The following RBM20 variants were observed in gnomAD, a reference collection of about 807,000 sequenced individuals.
RBM20 encodes RNA binding motif protein 20.
Under a neutral mutation model 110.1 loss-of-function variants are expected in RBM20, and 51 were observed. That is an observed-to-expected ratio of 0.46 (90% confidence interval 0.37 to 0.59). The LOEUF is 0.59. Ranked by LOEUF, RBM20 falls within the 20% of genes least tolerant of loss-of-function variation. The pLI is 0.00. For missense variants in RBM20, 1,512 were observed against 1,574.9 expected, an observed-to-expected ratio of 0.96 and a Z score of 0.68; for synonymous variants, 589 against 618.2, an observed-to-expected ratio of 0.95 and a Z score of 0.70.
intron 1 of RBM20, among the ~76,000 whole-genome samples, chr10:110,734,967 A>G (rs1399653360): frequency 6.6e-6 from 1 of 152,190 alleles, no homozygotes; most frequent in Non-Finnish European, 1.5e-5. Context: ...TGTTCTTCCC[A>G]TGACGTTAAT....
intron 1 of RBM20, among the ~76,000 whole-genome samples, chr10:110,768,001 G>A (rs1169981298): frequency 6.6e-6 from 1 of 152,260 alleles, no homozygotes; most frequent in Non-Finnish European, 1.5e-5. Context: ...GCCGAGGCTG[G>A]CGGATCACTC....
chr10:110,644,041 C>A (rs1281623009), upstream of RBM20, among the ~76,000 whole-genome samples: 1 of 152,192 alleles, frequency 6.6e-6, no homozygotes, highest in African/African-American at 2.4e-5. This position sits in a 1 kb window ranked among gnomAD's most constrained non-coding sequence, Gnocchi z 4.3. Flanking sequence ...CTGCGTGTGT[C>A]GCCTTCCTCA....
chr10:110,734,210 C>T (rs527841095), intron 1 of RBM20, among the ~76,000 whole-genome samples: 1 of 152,156 alleles, frequency 6.6e-6, no homozygotes, highest in African/African-American at 2.4e-5. Context: ...ATAAGAGGGT[C>T]TCATTTGTGT....
In RBM20 at chr10:110,780,924, G is replaced by A; in HGVS notation, c.315G>A (p.Leu105=). Residue 105 remains leucine, a synonymous_variant, in exon 2 of 14, where the codon CTG becomes CTA. Transcript: ENST00000369519. The part of the protein sequence containing the change: ...QAQLTLHRLK[L]AQTAVTNNTA... ...AGCTCACCCTCCACCGGCTGAAGCT[G>A]GCACAGACAGCTGTCACCAACAACA... is the stretch of plus-strand genomic sequence containing the variant. 6.4e-7 allele frequency: 1 copy of A among 1,551,622 alleles called. No individual in the cohort carries two copies. The highest frequency in any genetic ancestry group is 2.4e-5 in the East Asian group (1 of 40,910).
chr10:110,830,340 G>A (rs1252447055), intron 12 of RBM20, among the ~76,000 whole-genome samples: 1 of 152,196 alleles, frequency 6.6e-6, no homozygotes, highest in African/African-American at 2.4e-5. Context: ...GGAATCAAAA[G>A]GCCTCCCAGA....
At chr10:110,814,256 C>T (rs1032201834) in intron 9 of RBM20, among the ~76,000 whole-genome samples, 13 of 152,096 alleles carry the variant, frequency 8.5e-5, no homozygotes, top group Non-Finnish European at 1.2e-4. Flanking sequence ...TAGGTGCAGG[C>T]GAGCCAAAGG....
intron 13 of RBM20, among the ~76,000 whole-genome samples, chr10:110,833,390 G>GACAAAAAAAA (rs1554844630): frequency 1.6e-5 from 1 of 62,202 alleles, no homozygotes; most frequent in Non-Finnish European, 2.9e-5. Flanking sequence ...CTCTGTCTCA[G>GACAAAAAAAA]AAAAAAAAAA....
intron 5 of RBM20, among the ~76,000 whole-genome samples, chr10:110,790,230 A>C (rs935474318): frequency 1.3e-5 from 2 of 152,222 alleles, no homozygotes; most frequent in Admixed American, 1.3e-4. Context: ...CTCTGAATGC[A>C]TGGCTTAGAG....
chr10:110,729,063 A>G (rs1400988214), intron 1 of RBM20, among the ~76,000 whole-genome samples: 1 of 152,186 alleles, frequency 6.6e-6, no homozygotes, highest in Non-Finnish European at 1.5e-5. Context: ...GAGACAGAAT[A>G]TTGGTTACTG....
At chr10:110,834,454 G>A (rs1057160018) in intron 13 of RBM20, among the ~76,000 whole-genome samples, 2 of 152,214 alleles carry the variant, frequency 1.3e-5, no homozygotes, top group African/African-American at 4.8e-5. Flanking sequence ...GGACAACAGT[G>A]TTCCTCCCAT....
At chr10:110,688,027 GTGTGTGTGTA>G (rs1322217298) in intron 1 of RBM20, among the ~76,000 whole-genome samples, 1 of 141,662 alleles carries the variant, frequency 7.1e-6, no homozygotes, top group African/African-American at 2.9e-5. Context: ...GTGTGTGTGT[GTGTGTGTGTA>G]TGTGTGTGTA....
intron 1 of RBM20, among the ~76,000 whole-genome samples, chr10:110,681,307 C>T (rs893230710): frequency 6.6e-6 from 1 of 152,232 alleles, no homozygotes; most frequent in Non-Finnish European, 1.5e-5. Flanking sequence ...TCTTCACATC[C>T]ACCTATCTTT....
intron 6 of RBM20, among the ~76,000 whole-genome samples, chr10:110,799,162 G>T (rs971279297): frequency 6.6e-6 from 1 of 152,146 alleles, no homozygotes; most frequent in Non-Finnish European, 1.5e-5. Flanking sequence ...ACCAAAGCTT[G>T]TGTCTCTTGC....
upstream of RBM20, among the ~76,000 whole-genome samples, chr10:110,644,234 C>T (rs1242960287): frequency 6.6e-6 from 1 of 152,154 alleles, no homozygotes; most frequent in Non-Finnish European, 1.5e-5. This position sits in a 1 kb window ranked among gnomAD's most constrained non-coding sequence, Gnocchi z 4.3. Flanking sequence ...GGAGACGCCC[C>T]CTGGCCCCCG....
intron 1 of RBM20, among the ~76,000 whole-genome samples, chr10:110,692,095 T>G (rs1862593871): frequency 6.6e-6 from 1 of 152,162 alleles, no homozygotes; most frequent in Admixed American, 6.5e-5. Context: ...GATTTTTTTT[T>G]CTGGGTTCTC....
At chr10:110,699,167 G>A (rs1268655629) in intron 1 of RBM20, among the ~76,000 whole-genome samples, 2 of 151,688 alleles carry the variant, frequency 1.3e-5, no homozygotes, top group East Asian at 3.9e-4. Context: ...CCAGACCCAC[G>A]TGATGATGGA....
intron 1 of RBM20, among the ~76,000 whole-genome samples, chr10:110,741,318 T>C (rs1413272424): frequency 6.6e-6 from 1 of 152,194 alleles, no homozygotes; most frequent in East Asian, 1.9e-4. Flanking sequence ...GCACAGATAA[T>C]AGAGAAATAA....
intron 1 of RBM20, among the ~76,000 whole-genome samples, chr10:110,718,504 A>AT (rs1242064869): frequency 8.2e-6 from 1 of 121,722 alleles, no homozygotes; most frequent in Non-Finnish European, 1.8e-5. Flanking sequence ...AGTTTGTTTT[A>AT]TTTTTTAGCA....
intron 1 of RBM20, among the ~76,000 whole-genome samples, chr10:110,737,182 A>AAAAAAAAAAAAAAAAAAAAAAT (rs1023856856): frequency 7.3e-6 from 1 of 137,092 alleles, no homozygotes; most frequent in Non-Finnish European, 1.6e-5. Flanking sequence ...TGCCTCAAAA[A>AAAAAAAAAAAAAAAAAAAAAAT]AAAAAAAAAA....
Sources: gnomAD v4.1 joint callset for allele counts (sites outside exome capture counted in the v4.1 genomes callset) on GRCh38, gnomAD v4.1.1 for gene constraint, Gnocchi (gnomAD v3.1) non-coding constraint, MANE v1.5 for transcripts, NCBI Gene and HGNC (gene_info 2026-07-23, HGNC 2026-07-21) for gene names.